The following ZNF540 variants were observed in gnomAD, a reference collection of about 807,000 sequenced individuals.
ZNF540 encodes CTD-3064H18.6.
ZNF540 carries 3 observed loss-of-function variants against 11.8 expected under a neutral mutation model. That is an observed-to-expected ratio of 0.25 (90% CI 0.12 to 0.65). The LOEUF (loss-of-function observed/expected upper bound fraction) is 0.65. Ranked by LOEUF, ZNF540 falls within the 30% of genes least tolerant of loss-of-function variation. The pLI is 0.83. For synonymous variants in ZNF540, 247 were observed against 259.0 expected (o/e 0.95, Z 0.45); for missense variants, 709 against 793.1 (o/e 0.89, Z 1.27).
chr19:37,599,346 T>C (rs992027597), intron 2 of ZNF540, among the ~76,000 whole-genome samples: 1 of 152,216 alleles, frequency 6.6e-6, no homozygotes, highest in Non-Finnish European at 1.5e-5. Context: ...TTTAATTGAA[T>C]TGGGAAACAT....
upstream of ZNF540, among the ~76,000 whole-genome samples, chr19:37,590,431 GA>G (rs142347588): frequency 0.27 from 40,419 of 149,536 alleles, 6,430 homozygotes; most frequent in Non-Finnish European, 0.37. Flanking sequence ...AAAAGAAGAA[GA>G]AAAAAAAAGC....
intron 4 of ZNF540, among the ~76,000 whole-genome samples, chr19:37,603,398 C>G (rs1306429878): frequency 6.6e-6 from 1 of 152,012 alleles, no homozygotes; most frequent in Non-Finnish European, 1.5e-5. Context: ...AATTGGAGGA[C>G]AAGGAGGTAG....
At chr19:37,603,536 A>C (rs1425415978) in intron 4 of ZNF540, among the ~76,000 whole-genome samples, 1 of 152,224 alleles carries the variant, frequency 6.6e-6, no homozygotes, top group Non-Finnish European at 1.5e-5. Flanking sequence ...GGAGATCATC[A>C]GCTAAGAATT....
chr19:37,611,812 C>G lies in ZNF540; in HGVS notation c.532C>G (p.His178Asp). The G allele has an allele frequency of 6.2e-7, 1 of 1,613,966 alleles. No homozygotes were observed. The highest frequency in any genetic ancestry group is 8.5e-7 in the Non-Finnish European group (1 of 1,179,958). The change falls in exon 5 of 5, where the codon CAT becomes GAT. Residue 178 changes from histidine (H) to aspartate (D), a missense_variant. By Grantham distance (81) the His-to-Asp change is moderately conservative. Coordinates refer to ENST00000316433, the MANE Select transcript of ZNF540 (RefSeq NM_001172225.3). ...EKSCDSHLVQHGKIDSDVKHD... is the reference protein window; with the variant it reads ...EKSCDSHLVQDGKIDSDVKHD... Reference sequence around the variant, plus strand: ...AAGCTGTGACTCACACTTGGTTCAACATGGGAAAATAGATTCTGATGTGAA... The same window carrying G: ...AAGCTGTGACTCACACTTGGTTCAAGATGGGAAAATAGATTCTGATGTGAA...
intron 4 of ZNF540, among the ~76,000 whole-genome samples, chr19:37,604,616 A>AT (rs1394004226): frequency 1.3e-5 from 2 of 151,472 alleles, no homozygotes; most frequent in African/African-American, 2.4e-5. Flanking sequence ...CAGCCTTACT[A>AT]TTTTTTTTCA....
intron 1 of ZNF540, among the ~76,000 whole-genome samples, chr19:37,570,635 A>G (rs1041226123): frequency 1.3e-5 from 2 of 152,198 alleles, no homozygotes; most frequent in Non-Finnish European, 2.9e-5. Flanking sequence ...AGAATGATTA[A>G]ACACAGGACT....
At chr19:37,564,692 A>G (rs771835630) in intron 1 of ZNF540, 1 of 1,613,550 alleles carries the variant, frequency 6.2e-7, no homozygotes. Context: ...ACCAGTATGG[A>G]TCCTTTGATG....
intron 1 of ZNF540, among the ~76,000 whole-genome samples, chr19:37,558,133 A>C (rs1368233900): frequency 6.6e-6 from 1 of 152,190 alleles, no homozygotes; most frequent in African/African-American, 2.4e-5. Context: ...TGTCCAAATT[A>C]ACGGGCCATT....
At chr19:37,564,116 T>G (rs2042766909) in intron 1 of ZNF540, 1 of 152,324 alleles carries the variant, frequency 6.6e-6, no homozygotes, top group Non-Finnish European at 1.5e-5. Flanking sequence ...AAATAAAGTA[T>G]CTGTTGTTCT....
chr19:37,579,034 G>A (rs1022195539), intron 1 of ZNF540, among the ~76,000 whole-genome samples: 7 of 151,128 alleles, frequency 4.6e-5, no homozygotes, highest in East Asian at 3.9e-4. Flanking sequence ...CAGCACAGCC[G>A]CCCTGCCCCC....
At chr19:37,561,670 G>C (rs540375448) in intron 1 of ZNF540, among the ~76,000 whole-genome samples, 26 of 152,164 alleles carry the variant, frequency 1.7e-4, no homozygotes, top group Non-Finnish European at 3.5e-4. Context: ...TACGTATTTT[G>C]GGAATTATTT....
rs2044076009 is a variant in ZNF540, at chr19:37,605,324, G to A, written c.232+4219G>A. Among the ~76,000 whole-genome samples, 8 of 151,826 alleles carry A rather than the reference G, an allele frequency of 5.3e-5. No homozygotes were observed. The South Asian group carries it at 1.7e-3, about 32-fold the overall frequency. On this transcript the variant is annotated intron_variant, in intron 4 of 4. Coordinates refer to ENST00000316433, the MANE Select transcript of ZNF540 (RefSeq NM_001172225.3). ...AAAATACAAAAATTAGCTAGGCATG[G>A]TGGTACACACCTGTAAAAACTTTAT...
At chr19:37,597,023 A>T (rs1221746647) in intron 1 of ZNF540, among the ~76,000 whole-genome samples, 3 of 151,890 alleles carry the variant, frequency 2.0e-5, no homozygotes, top group African/African-American at 7.3e-5. Context: ...AGAATTGTGG[A>T]TTCAGAACTC....
intron 1 of ZNF540, among the ~76,000 whole-genome samples, chr19:37,571,060 C>T (rs192536069): frequency 3.9e-5 from 6 of 152,264 alleles, no homozygotes; most frequent in Non-Finnish European, 1.5e-5. Flanking sequence ...ACTAAACAGA[C>T]TTAGAATCAC....
At chr19:37,590,258 T>TA (rs60417935), upstream of ZNF540, among the ~76,000 whole-genome samples, 57 of 149,270 alleles carry the variant, frequency 3.8e-4, no homozygotes, top group African/African-American at 1.4e-3. Flanking sequence ...AAAATAAAAA[T>TA]AAAAAAAAAT....
intron 1 of ZNF540, among the ~76,000 whole-genome samples, chr19:37,557,540 C>T (rs1047872765): frequency 6.6e-6 from 1 of 152,218 alleles, no homozygotes; most frequent in Non-Finnish European, 1.5e-5. Context: ...TCCGTGGTAA[C>T]AGCTGCACCG....
chr19:37,559,265 G>T (rs1023079390), intron 1 of ZNF540, among the ~76,000 whole-genome samples: 4 of 152,176 alleles, frequency 2.6e-5, no homozygotes, highest in Non-Finnish European at 4.4e-5. Context: ...CACATTATTG[G>T]TGAGAATGTA....
intron 1 of ZNF540, chr19:37,586,527 C>T (rs1319262605): frequency 1.1e-6 from 1 of 878,394 alleles, no homozygotes; most frequent in African/African-American, 1.7e-5. Context: ...CTCTTTGCTA[C>T]TATTACTCGC....
intron 1 of ZNF540, among the ~76,000 whole-genome samples, chr19:37,552,767 G>A (rs985033406): frequency 6.6e-6 from 1 of 152,044 alleles, no homozygotes. Context: ...GGCCAACATG[G>A]TGAAACCCCA....
Sources: gnomAD v4.1 joint callset for allele counts (sites outside exome capture counted in the v4.1 genomes callset) on GRCh38, gnomAD v4.1.1 for gene constraint, MANE v1.5 for transcripts, NCBI Gene and HGNC (gene_info 2026-07-23, HGNC 2026-07-21) for gene names.